The following TRPM1 variants were observed in gnomAD, a reference collection of about 807,000 sequenced individuals.
The protein encoded by TRPM1 is transient receptor potential cation channel subfamily M member 1, also known as TRPM1-203 APA Isoform, Intron 10.
A neutral mutation model predicts 149.4 loss-of-function variants in TRPM1; 113 were observed. The observed-to-expected ratio is 0.76, with a 90% CI of 0.65 to 0.88. TRPM1 has a LOEUF of 0.88. Ranked by LOEUF, TRPM1 falls within the 40% of genes least tolerant of loss-of-function variation. The pLI, the probability that TRPM1 is intolerant of heterozygous loss-of-function variation, is 0.00. For missense variants in TRPM1, 1,976 were observed against 2,038.7 expected (o/e 0.97, Z 0.59); for synonymous variants, 741 against 759.5 (o/e 0.98, Z 0.40).
rs1566981667 is a variant in TRPM1 at position 31,002,371 on chromosome 15, T to C, written c.4329A>G (p.Thr1443=). The C allele has an allele frequency of 6.2e-7, 1 of 1,614,224 alleles. No homozygotes were observed. Among genetic ancestry groups the C allele is most frequent in the East Asian group, 2.2e-5 (1 of 44,888 alleles). The change falls in exon 28 of 28, where the codon ACA becomes ACG. Residue 1443 remains threonine, a synonymous_variant. Coordinates refer to ENST00000256552, the MANE Select transcript of TRPM1 (RefSeq NM_001252024.2). ...ISYPLEETKI[T]RYFPDETINA... is the part of the protein sequence containing the mutation. ...TGATCGTTTCATCGGGGAAATAGCG[T>C]GTAATTTTGGTTTCTTCCAGGGGAT...
At chr15:31,149,934 A>ATTCTT (rs1384019181) in intron 1 of TRPM1, among the ~76,000 whole-genome samples, 2 of 152,110 alleles carry the variant, frequency 1.3e-5, no homozygotes, top group South Asian at 2.1e-4. Flanking sequence ...TGGGCAGCAA[A>ATTCTT]TTCTTTTCTT....
Position 31,041,961 on chromosome 15 carries a change from T to A in TRPM1, c.2077A>T (p.Asn693Tyr). 6.2e-7 allele frequency: 1 copy of A among 1,614,116 alleles called. No homozygotes were observed. Among genetic ancestry groups the A allele is most frequent in the Non-Finnish European group, 8.5e-7 (1 of 1,180,008 alleles). Residue 693 changes from asparagine (N) to tyrosine (Y), a missense_variant, in exon 17 of 28, where the codon AAC becomes TAC. Coordinates refer to ENST00000256552, the MANE Select transcript of TRPM1 (RefSeq NM_001252024.2). ...LVDDISQDLD[N>Y]NSKDFGQLAL... ...CCGCTAGACACTAACTTGGAATTGTTATCCAAGTCCTGGGAGATGTCATCC... is the reference window on the plus strand; with the variant it reads ...CCGCTAGACACTAACTTGGAATTGTAATCCAAGTCCTGGGAGATGTCATCC...
intron 27 of TRPM1, among the ~76,000 whole-genome samples, chr15:31,019,456 C>T (rs1364298602): frequency 1.3e-5 from 2 of 152,196 alleles, no homozygotes; most frequent in Non-Finnish European, 2.9e-5. Flanking sequence ...GGAGTGCAAT[C>T]AGTGGCACTA....
intron 1 of TRPM1, among the ~76,000 whole-genome samples, chr15:31,100,482 C>G (rs1449051902): frequency 6.6e-6 from 1 of 151,908 alleles, no homozygotes; most frequent in Non-Finnish European, 1.5e-5. Context: ...ATCACATGTA[C>G]CCCCACAATA....
chr15:31,014,193 G>A (rs979110439), intron 27 of TRPM1, among the ~76,000 whole-genome samples: 1 of 152,092 alleles, frequency 6.6e-6, no homozygotes, highest in Non-Finnish European at 1.5e-5. Flanking sequence ...TCTATTGTTT[G>A]CCCCAGCTGT....
chr15:31,061,863 T>C (rs1215014842), intron 9 of TRPM1, among the ~76,000 whole-genome samples: 1 of 152,010 alleles, frequency 6.6e-6, no homozygotes, highest in South Asian at 2.1e-4. Flanking sequence ...TGTTTTGGTA[T>C]TTTTAGTAGA....
At chr15:31,088,991 C>G (rs940547230) in intron 1 of TRPM1, among the ~76,000 whole-genome samples, 1 of 152,116 alleles carries the variant, frequency 6.6e-6, no homozygotes, top group Admixed American at 6.5e-5. Context: ...GGCTGATGGG[C>G]AGTTCTAGAT....
At chr15:31,099,702 AG>A (rs2035471088) in intron 1 of TRPM1, among the ~76,000 whole-genome samples, 1 of 152,270 alleles carries the variant, frequency 6.6e-6, no homozygotes, top group Admixed American at 6.5e-5. Flanking sequence ...AAACAGGTAC[AG>A]CAAACACATT....
chr15:31,060,195 C>T (rs2034189558), intron 11 of TRPM1: 3 of 383,012 alleles, frequency 7.8e-6, no homozygotes, highest in East Asian at 1.3e-4. Flanking sequence ...TTTCATGGAA[C>T]ATAGTTTGAA....
intron 1 of TRPM1, among the ~76,000 whole-genome samples, chr15:31,117,665 TACACACACACACACACAC>T (rs56686910): frequency 7.4e-6 from 1 of 135,972 alleles, no homozygotes. Flanking sequence ...AAAAAAAAAA[TACACACACACACACACAC>T]ACACACACAC....
chr15:31,159,887 T>C (rs1433503416), intron 1 of TRPM1, among the ~76,000 whole-genome samples: 1 of 152,244 alleles, frequency 6.6e-6, no homozygotes, highest in East Asian at 1.9e-4. Flanking sequence ...CTTCAGCGGC[T>C]CCGTTCCCAG....
intron 27 of TRPM1, among the ~76,000 whole-genome samples, chr15:31,009,111 C>A (rs953324025): frequency 2.0e-5 from 3 of 151,558 alleles, no homozygotes; most frequent in Admixed American, 2.0e-4. Flanking sequence ...GCAATGAATT[C>A]TTTGTCTGAT....
At chr15:31,029,300 A>G in intron 24 of TRPM1, 71 bp downstream of exon 24, 1 of 1,484,978 alleles carries the variant, frequency 6.7e-7, no homozygotes, top group Middle Eastern at 1.7e-4. Flanking sequence ...GACTACTAGT[A>G]ATCAGCTAAG....
chr15:31,088,567 C>T (rs939486940), intron 1 of TRPM1, among the ~76,000 whole-genome samples: 19 of 152,202 alleles, frequency 1.2e-4, no homozygotes, highest in Non-Finnish European at 2.8e-4. Flanking sequence ...TCTGCGGCTT[C>T]ACTGCTGAAG....
chr15:31,041,792 C>T (rs988710247), intron 17 of TRPM1, among the ~76,000 whole-genome samples, 159 bp downstream of exon 17: 1 of 152,174 alleles, frequency 6.6e-6, no homozygotes, highest in Non-Finnish European at 1.5e-5. Context: ...CTCTGAGAGA[C>T]AGAAAGAAAA....
intron 1 of TRPM1, among the ~76,000 whole-genome samples, chr15:31,126,375 T>TGG (rs1258814716): frequency 2.0e-5 from 3 of 152,162 alleles, no homozygotes; most frequent in African/African-American, 4.8e-5. Flanking sequence ...GAAACTCCCG[T>TGG]GGGGATGTGT....
chr15:31,059,427 A>G (rs2034167014), intron 11 of TRPM1, among the ~76,000 whole-genome samples: 1 of 152,094 alleles, frequency 6.6e-6, no homozygotes, highest in South Asian at 2.1e-4. Context: ...TGTTTTAGAG[A>G]TGGGATCTCA....
At chr15:31,069,288 G>A (rs1210343454) in intron 4 of TRPM1, 1 of 429,194 alleles carries the variant, frequency 2.3e-6, no homozygotes, top group Non-Finnish European at 3.1e-6. Flanking sequence ...TCAAAGTGAG[G>A]AGGAGGCTAA....
At chr15:31,005,906 A>G (rs2031971191) in intron 27 of TRPM1, among the ~76,000 whole-genome samples, 1 of 152,214 alleles carries the variant, frequency 6.6e-6, no homozygotes, top group South Asian at 2.1e-4. Context: ...TCTAGGAATC[A>G]ATTTGACAAG....
Sources: gnomAD v4.1 joint callset for allele counts (sites outside exome capture counted in the v4.1 genomes callset) on GRCh38, gnomAD v4.1.1 for gene constraint, MANE v1.5 for transcripts, NCBI Gene and HGNC (gene_info 2026-07-23, HGNC 2026-07-21) for gene names.